Variants in MGAT5 observed in about 807,000 individuals in gnomAD.
MGAT5 encodes alpha-1,6-mannosylglycoprotein 6-beta-N-acetylglucosaminyltransferase.
Under a neutral mutation model 94.3 loss-of-function variants are expected in MGAT5, and 30 were observed. That is an observed-to-expected ratio of 0.32 (90% confidence interval 0.24 to 0.43). The LOEUF (loss-of-function observed/expected upper bound fraction) is 0.43, where lower values mean the gene tolerates loss of function less well. MGAT5 is among the 20% of genes least tolerant of loss of function. The pLI is 1.00. For synonymous variants in MGAT5, 310 were observed against 322.9 expected (o/e 0.96, Z 0.43); for missense variants, 691 against 905.5 (o/e 0.76, Z 3.04).
intron 1 of MGAT5, among the ~76,000 whole-genome samples, chr2:134,144,142 T>C (rs1029100465): frequency 6.6e-6 from 1 of 152,164 alleles, no homozygotes; most frequent in Non-Finnish European, 1.5e-5. Flanking sequence ...TCAAGGTCAC[T>C]GGATTAGTCT....
chr2:134,355,477 CT>C, intron 9 of MGAT5, among the ~76,000 whole-genome samples: 1 of 152,096 alleles, frequency 6.6e-6, no homozygotes, highest in African/African-American at 2.4e-5. Context: ...TTAACTGATG[CT>C]TTTTTTATGG....
chr2:134,257,220 CT>C, intron 1 of MGAT5, among the ~76,000 whole-genome samples: 1 of 152,060 alleles, frequency 6.6e-6, no homozygotes. Flanking sequence ...AAGCAGATAA[CT>C]GGTTTTAGTT....
intron 15 of MGAT5, among the ~76,000 whole-genome samples, chr2:134,447,327 C>T (rs187758623): frequency 1.3e-5 from 2 of 152,166 alleles, no homozygotes; most frequent in Admixed American, 6.5e-5. Context: ...ATAGCCCATC[C>T]GATGTCTGCC....
Position 134,190,535 on chromosome 2 carries a change from A to G in MGAT5, c.-142-63727A>G, listed in dbSNP as rs143365691. ...AACCCCACAACAACAAAAATTGTGT[A>G]GACTAGCATTACTCCAAAGGACTTG... On this transcript the variant is annotated intron_variant, in intron 1 of 16. Transcript: ENST00000409645. Among the ~76,000 whole-genome samples the G allele has an allele frequency of 1.7e-4, 26 of 152,338 alleles. No homozygotes were observed. The East Asian group carries it at 4.6e-3, about 27-fold the overall frequency.
At chr2:134,432,737 C>T (rs552905175) in intron 14 of MGAT5, among the ~76,000 whole-genome samples, 1 of 152,208 alleles carries the variant, frequency 6.6e-6, no homozygotes, top group Non-Finnish European at 1.5e-5. Context: ...TACCTAACAT[C>T]TCTATGCTCT....
chr2:134,295,047 T>C (rs1031639831), intron 2 of MGAT5, among the ~76,000 whole-genome samples: 2 of 152,216 alleles, frequency 1.3e-5, no homozygotes, highest in Non-Finnish European at 2.9e-5. Flanking sequence ...GTGTACCCTT[T>C]CTGTAGAAAG....
chr2:134,284,601 A>G (rs1254789315), intron 2 of MGAT5, among the ~76,000 whole-genome samples: 2 of 151,268 alleles, frequency 1.3e-5, no homozygotes, highest in Non-Finnish European at 2.9e-5. Context: ...AAAAAAAGCC[A>G]CTGTTTATGG....
chr2:134,428,257 G>A, intron 13 of MGAT5, 108 bp from the exon 14 acceptor site: 1 of 958,738 alleles, frequency 1.0e-6, no homozygotes, highest in East Asian at 2.5e-5. Context: ...ACCCTCATGA[G>A]GCCGACTCCT....
At chr2:134,330,908 A>G (rs1374385983) in intron 4 of MGAT5, among the ~76,000 whole-genome samples, 1 of 152,210 alleles carries the variant, frequency 6.6e-6, no homozygotes, top group Admixed American at 6.5e-5. Flanking sequence ...CTTTCAAAAG[A>G]ATAGAACATT....
At position 134,450,014 on chromosome 2, in the gene MGAT5, GCTGGCTTTTCCTT is replaced by G. The variant is rs1381236591; in HGVS notation, c.*1169_*1181del. On this transcript the variant is annotated 3_prime_UTR_variant, in exon 16 of 16. Transcript: ENST00000281923. Reference sequence around the variant, plus strand: ...TAGCTCGCAAAGGTGGGAATCTGGTGCTGGCTTTTCCTTCAGGCAGGATCACTCTGACTTGTTG... The same window carrying G: ...TAGCTCGCAAAGGTGGGAATCTGGTGCAGGCAGGATCACTCTGACTTGTTG... The G allele has an allele frequency of 6.6e-6, 1 of 152,286 alleles. No individual in the cohort carries two copies. The highest frequency in any genetic ancestry group is 1.5e-5 in the Non-Finnish European group (1 of 68,174). The allele number at this position is 152,286 out of a possible 1,614,324, so 9.4% of individuals were successfully genotyped here. A position where few individuals can be genotyped will look rare whatever the true frequency, so the allele number is the denominator to read the frequency against.
chr2:134,329,779 C>T (rs1318178591), intron 4 of MGAT5, among the ~76,000 whole-genome samples: 1 of 152,064 alleles, frequency 6.6e-6, no homozygotes, highest in Non-Finnish European at 1.5e-5. Context: ...TTGTCTCTCC[C>T]AGCCCACTCC....
intron 5 of MGAT5, 103 bp from the exon 6 acceptor site, chr2:134,338,156 T>C (rs930686579): frequency 2.9e-5 from 28 of 967,062 alleles, no homozygotes; most frequent in Admixed American, 1.5e-4. Context: ...AGCTCTCAAT[T>C]TAATTGACTA....
chr2:134,369,642 G>A (rs1217865581), intron 10 of MGAT5, among the ~76,000 whole-genome samples: 1 of 151,912 alleles, frequency 6.6e-6, no homozygotes, highest in Non-Finnish European at 1.5e-5. Context: ...CCAAAAAGAG[G>A]TCATTGGTTA....
chr2:134,343,228 A>G (rs1688733840), intron 7 of MGAT5, among the ~76,000 whole-genome samples: 1 of 152,206 alleles, frequency 6.6e-6, no homozygotes, highest in Admixed American at 6.5e-5. Context: ...TTTGTTCAGT[A>G]TGTCCTCACT....
intron 2 of MGAT5, among the ~76,000 whole-genome samples, chr2:134,305,831 G>C (rs1686295332): frequency 6.6e-6 from 1 of 152,116 alleles, no homozygotes; most frequent in Non-Finnish European, 1.5e-5. Context: ...GCACTATTTT[G>C]TTTATTGGAA....
At chr2:134,225,077 C>CAAAAAAAA (rs1167660901) in intron 1 of MGAT5, among the ~76,000 whole-genome samples, 1 of 68,240 alleles carries the variant, frequency 1.5e-5, no homozygotes, top group Non-Finnish European at 2.8e-5. Context: ...CCCTGTCTCA[C>CAAAAAAAA]AAAAAAAAAA....
chr2:134,387,227 C>T (rs1682042521), intron 10 of MGAT5, among the ~76,000 whole-genome samples: 1 of 149,046 alleles, frequency 6.7e-6, no homozygotes. Context: ...CTCCCTTGCA[C>T]TCCAGCCTGG....
chr2:134,354,204 A>G (rs775371721), intron 9 of MGAT5, among the ~76,000 whole-genome samples: 6 of 152,210 alleles, frequency 3.9e-5, no homozygotes, highest in Non-Finnish European at 7.3e-5. Context: ...ATTTCTGTAT[A>G]AATATGCACA....
chr2:134,246,738 C>T lies in MGAT5; in HGVS notation c.-142-7524C>T, dbSNP rs35792480. 6.3e-3 allele frequency among the ~76,000 whole-genome samples: 953 copies of T among 152,236 alleles called. 7 individuals carry two copies. Among genetic ancestry groups the T allele is most frequent in the South Asian group, 0.014 (68 of 4,820 alleles). On this transcript the variant is annotated intron_variant, in intron 1 of 16. Transcript: ENST00000409645. ...AGCTGGTAGACTCAGCTTGGTTTGGCGGAGGCCATGTAGTATTAGGCAGGA... is the reference window on the plus strand; with the variant it reads ...AGCTGGTAGACTCAGCTTGGTTTGGTGGAGGCCATGTAGTATTAGGCAGGA...
Sources: gnomAD v4.1 joint callset for allele counts (sites outside exome capture counted in the v4.1 genomes callset) on GRCh38, gnomAD v4.1.1 for gene constraint, MANE v1.5 for transcripts, NCBI Gene and HGNC (gene_info 2026-07-23, HGNC 2026-07-21) for gene names.